The following MRPL42 variants were observed in gnomAD, a reference collection of about 807,000 sequenced individuals.
MRPL42 encodes the protein mitochondrial ribosomal protein L42, also known as large ribosomal subunit protein mL42.
A neutral mutation model predicts 17.9 loss-of-function variants in MRPL42; 17 were observed. That is an observed-to-expected ratio of 0.95 (90% CI 0.65 to 1.42). The LOEUF (loss-of-function observed/expected upper bound fraction) is 1.42, where lower values mean the gene tolerates loss of function less well. MRPL42 is among the 40% of genes most tolerant of loss of function. The pLI is 0.00. For synonymous variants in MRPL42, 59 were observed against 54.4 expected, an observed-to-expected ratio of 1.08 and a Z score of -0.37; for missense variants, 177 against 175.2, an observed-to-expected ratio of 1.01 and a Z score of -0.06.
At chr12:93,469,131 G>T in intron 1 of MRPL42, 61 bp from the exon 2 acceptor site, 1 of 555,390 alleles carries the variant, frequency 1.8e-6, no homozygotes, top group African/African-American at 1.9e-5. Flanking sequence ...TGTTCTTGTG[G>T]TGTTTAATAT....
rs1953738869 is a variant in MRPL42, at chr12:93,513,041, G to T, written c.*11820G>T. ...CGACCATTATCCCTTTGTAAATCTG[G>T]TTTCATCTTATGAATAATATTTTTT... is the stretch of plus-strand genomic sequence containing the variant. On this transcript the variant is annotated 3_prime_UTR_variant, in exon 6 of 6. Coordinates refer to ENST00000549982, the MANE Select transcript of MRPL42 (RefSeq NM_014050.4). 6.6e-6 allele frequency: 1 copy of T among 151,828 alleles called. No individual in the cohort carries two copies. Among genetic ancestry groups the T allele is most frequent in the Admixed American group, 6.6e-5 (1 of 15,236 alleles). The allele number at this position is 151,828 out of a possible 1,614,324, so 9.4% of individuals were successfully genotyped here.
chr12:93,470,347 CAG>C lies in MRPL42; in HGVS notation c.70+995_70+996del, dbSNP rs1373364899. 4.1e-6 allele frequency: 3 copies of C among 725,066 alleles called. No individual in the cohort carries two copies. The African/African-American group carries it at 5.6e-5, about 14-fold the overall frequency. 44.9% of individuals were successfully genotyped at this position (725,066 alleles called of 1,614,324 possible). On this transcript the variant is annotated intron_variant, in intron 2 of 5. Coordinates refer to ENST00000549982, the MANE Select transcript of MRPL42 (RefSeq NM_014050.4). ...TCTTTTTCCTTTTCCTGTCTGTAAACAGAGTTTATAGCTCTTATAAACAGCTC... is the reference window on the plus strand; with the variant it reads ...TCTTTTTCCTTTTCCTGTCTGTAAACAGTTTATAGCTCTTATAAACAGCTC...
intron 5 of MRPL42, among the ~76,000 whole-genome samples, chr12:93,497,569 AG>A (rs1427094092): frequency 1.3e-5 from 2 of 152,204 alleles, no homozygotes; most frequent in Admixed American, 1.3e-4. Flanking sequence ...CTAGGCATTG[AG>A]GGAACATACT....
intron 2 of MRPL42, among the ~76,000 whole-genome samples, chr12:93,475,853 G>C (rs964295645): frequency 2.4e-4 from 37 of 151,668 alleles, no homozygotes; most frequent in African/African-American, 8.0e-4. Flanking sequence ...GCGTGGTGGG[G>C]GCCTGTAGTC....
At chr12:93,487,822 G>A (rs903559577) in intron 5 of MRPL42, 162 bp downstream of exon 5, 4 of 593,202 alleles carry the variant, frequency 6.7e-6, no homozygotes, top group Non-Finnish European at 1.1e-5. Context: ...TCTGAGACAG[G>A]ATCTCGCTCT....
rs1177485449 is a variant in MRPL42, at chr12:93,513,674, T to C, written c.*12453T>C. On this transcript the variant is annotated 3_prime_UTR_variant, in exon 6 of 6. Coordinates refer to ENST00000549982, the MANE Select transcript of MRPL42 (RefSeq NM_014050.4). The stretch of plus-strand genomic sequence containing the variant: ...AAAGTTTTTAAATAATTTTTTCTCT[T>C]TCCGTTTTATGTGTGTTCCAATTCT... 2 of 152,180 alleles carry C rather than the reference T, an allele frequency of 1.3e-5. No homozygotes were observed. The highest frequency in any genetic ancestry group is 2.4e-5 in the African/African-American group (1 of 41,444). 9.4% of individuals were successfully genotyped at this position (152,180 alleles called of 1,614,324 possible).
At position 93,514,186 on chromosome 12, in the gene MRPL42, C is replaced by A. The variant is rs911690247; in HGVS notation, c.*12965C>A. ...ATAGTGTACTTTCTGGAATATTATTCAGCTTTCTCTTGAATTCTTTTAGTA... is the reference window on the plus strand; with the variant it reads ...ATAGTGTACTTTCTGGAATATTATTAAGCTTTCTCTTGAATTCTTTTAGTA... On this transcript the variant is annotated 3_prime_UTR_variant, in exon 6 of 6. Coordinates refer to ENST00000549982, the MANE Select transcript of MRPL42 (RefSeq NM_014050.4). 6.6e-6 allele frequency: 1 copy of A among 151,972 alleles called. No individual in the cohort carries two copies. The highest frequency in any genetic ancestry group is 6.6e-5 in the Admixed American group (1 of 15,224). The allele number at this position is 151,972 out of a possible 1,614,324, so 9.4% of individuals were successfully genotyped here.
chr12:93,477,448 T>A (rs1880232637), intron 3 of MRPL42, among the ~76,000 whole-genome samples: 1 of 152,242 alleles, frequency 6.6e-6, no homozygotes, highest in Non-Finnish European at 1.5e-5. Flanking sequence ...TTAGTCACTA[T>A]GATAAGAACT....
chr12:93,473,642 G>T (rs1238698038), intron 2 of MRPL42, among the ~76,000 whole-genome samples: 2 of 151,860 alleles, frequency 1.3e-5, no homozygotes, highest in Non-Finnish European at 2.9e-5. Context: ...TGTTGATCAG[G>T]CTGGTCTCGA....
chr12:93,485,355 C>T (rs910792971), intron 4 of MRPL42, among the ~76,000 whole-genome samples: 4 of 151,222 alleles, frequency 2.6e-5, no homozygotes, highest in Non-Finnish European at 5.9e-5. Flanking sequence ...GTAGAGACAG[C>T]GTCTCCAACT....
chr12:93,496,200 A>G (rs1278093680), intron 5 of MRPL42, among the ~76,000 whole-genome samples: 1 of 152,136 alleles, frequency 6.6e-6, no homozygotes, highest in East Asian at 1.9e-4. Context: ...CTGGGATTAC[A>G]GGCAGTTACC....
At chr12:93,497,687 C>G (rs1953529794) in intron 5 of MRPL42, among the ~76,000 whole-genome samples, 1 of 151,526 alleles carries the variant, frequency 6.6e-6, no homozygotes, top group Admixed American at 6.6e-5. Flanking sequence ...GATGCCCACT[C>G]ACACTACTCC....
At chr12:93,479,633 C>T (rs1242285577) in intron 4 of MRPL42, among the ~76,000 whole-genome samples, 161 bp downstream of exon 4, 1 of 151,834 alleles carries the variant, frequency 6.6e-6, no homozygotes, top group African/African-American at 2.4e-5. Flanking sequence ...ATTTATTTTT[C>T]ATCTGCTTTC....
At chr12:93,470,584 C>T (rs1460326436) in intron 2 of MRPL42, 1 of 1,239,384 alleles carries the variant, frequency 8.1e-7, no homozygotes, top group Non-Finnish European at 1.0e-6. Flanking sequence ...AACATAGTAC[C>T]CAATAGGTAG....
chr12:93,474,542 C>G (rs1880068658), intron 2 of MRPL42, among the ~76,000 whole-genome samples: 1 of 152,088 alleles, frequency 6.6e-6, no homozygotes, highest in Admixed American at 6.6e-5. Flanking sequence ...TCAAGTGATC[C>G]TTCAGCTTCA....
chr12:93,483,473 C>G (rs1880562131), intron 4 of MRPL42, among the ~76,000 whole-genome samples: 1 of 152,140 alleles, frequency 6.6e-6, no homozygotes, highest in Non-Finnish European at 1.5e-5. Flanking sequence ...GTAGTGAATA[C>G]TATAGGCAAT....
intron 2 of MRPL42, 52 bp from the exon 3 acceptor site, chr12:93,476,902 G>A: frequency 2.0e-6 from 3 of 1,496,586 alleles, no homozygotes; most frequent in South Asian, 1.1e-5. Flanking sequence ...AATTTATGGA[G>A]AAAATATGCT....
At chr12:93,472,613 A>G (rs188969194) in intron 2 of MRPL42, among the ~76,000 whole-genome samples, 1 of 152,272 alleles carries the variant, frequency 6.6e-6, no homozygotes, top group East Asian at 1.9e-4. Flanking sequence ...AAGTTTCATT[A>G]CTGTTATTAT....
intron 3 of MRPL42, among the ~76,000 whole-genome samples, chr12:93,478,077 C>T (rs1880267853): frequency 6.6e-6 from 1 of 151,966 alleles, no homozygotes; most frequent in Admixed American, 6.6e-5. Flanking sequence ...TTGCCTCAGC[C>T]CCCCAAGTAG....
Sources: gnomAD v4.1 joint callset for allele counts (sites outside exome capture counted in the v4.1 genomes callset) on GRCh38, gnomAD v4.1.1 for gene constraint, MANE v1.5 for transcripts, NCBI Gene and HGNC (gene_info 2026-07-23, HGNC 2026-07-21) for gene names.